WDFY4: variants seen among roughly 807,000 people sequenced by gnomAD.
The protein encoded by WDFY4 is WDFY family member 4.
Under a neutral mutation model 351.9 loss-of-function variants are expected in WDFY4, and 169 were observed. That is an observed-to-expected ratio of 0.48 (90% confidence interval 0.42 to 0.55). The LOEUF is 0.55. WDFY4 is among the 20% of genes least tolerant of loss of function. The pLI, the probability that WDFY4 is intolerant of heterozygous loss-of-function variation, is 0.00. For synonymous variants in WDFY4, 1,622 were observed against 1,574.6 expected, an observed-to-expected ratio of 1.03 and a Z score of -0.71; for missense variants, 3,803 against 3,935.6, an observed-to-expected ratio of 0.97 and a Z score of 0.90.
At position 48,743,082 on chromosome 10, in the gene WDFY4, C is replaced by T; in HGVS notation, c.1993C>T (p.Pro665Ser). The stretch of plus-strand genomic sequence containing the variant: ...CCTGGAAGGCTCCCTCCAGGAGCCC[C>T]CGCTGCAGGCATGGGGAGCAGTATC... ...SDLEGSLQEP[P>S]LQAWGAVSPR... is the part of the protein sequence containing the mutation. Residue 665 changes from proline to serine, a missense_variant, in exon 12 of 62, where the codon CCG (proline) becomes TCG (serine). Pro to Ser is a moderately conservative substitution (Grantham distance 74, BLOSUM62 -1). This residue lies in a region of WDFY4 where 3,054 missense variants were observed against 3,148.6 expected (regional missense o/e 0.97). Transcript: ENST00000325239. The T allele has an allele frequency of 6.4e-7, 1 of 1,551,696 alleles. No homozygotes were observed. The highest frequency in any genetic ancestry group is 8.7e-7 in the Non-Finnish European group (1 of 1,146,998).
At chr10:48,918,214 A>C (rs1035288518) in intron 47 of WDFY4, among the ~76,000 whole-genome samples, 8 of 152,252 alleles carry the variant, frequency 5.3e-5, no homozygotes, top group African/African-American at 1.7e-4. Flanking sequence ...AAAATGATAG[A>C]CTGAAACTCA....
rs769068432 is a variant in WDFY4, at chr10:48,806,098, G to A, written c.4738+3G>A. ...AGCCCTGGACCCTTCCCTGCCTGGT[G>A]AGAAGACCTTTGCCAGTTCGAAGGC... is the stretch of plus-strand genomic sequence containing the variant. On this transcript the variant is annotated splice_donor_region_variant and intron_variant, in intron 27 of 61. Transcript: ENST00000325239. 6.8e-5 allele frequency: 106 copies of A among 1,551,536 alleles called. No homozygotes were observed. Among genetic ancestry groups the A allele is most frequent in the Non-Finnish European group, 9.0e-5 (103 of 1,146,980 alleles).
chr10:48,888,810 C>A (rs746313344), intron 43 of WDFY4, among the ~76,000 whole-genome samples: 1 of 152,170 alleles, frequency 6.6e-6, no homozygotes, highest in Non-Finnish European at 1.5e-5. Flanking sequence ...ATGTCCTCAC[C>A]AAGAATAATG....
intron 20 of WDFY4, among the ~76,000 whole-genome samples, chr10:48,787,954 C>T (rs2066529385): frequency 1.6e-5 from 2 of 121,980 alleles, no homozygotes; most frequent in Admixed American, 8.8e-5. Context: ...TCTTCTTCTT[C>T]TTCTTCTTCT....
intron 18 of WDFY4, among the ~76,000 whole-genome samples, chr10:48,779,243 G>A (rs532345209): frequency 3.3e-5 from 5 of 152,198 alleles, no homozygotes; most frequent in East Asian, 3.9e-4. Flanking sequence ...ACATATAGGC[G>A]CTCCCACATA....
At chr10:48,761,702 A>G (rs1475512975) in intron 13 of WDFY4, among the ~76,000 whole-genome samples, 2 of 152,194 alleles carry the variant, frequency 1.3e-5, no homozygotes, top group African/African-American at 4.8e-5. Context: ...CAAGATAAAG[A>G]ACAAATACCT....
chr10:48,866,012 T>C (rs556454416), intron 39 of WDFY4, among the ~76,000 whole-genome samples: 3 of 152,276 alleles, frequency 2.0e-5, no homozygotes, highest in Non-Finnish European at 2.9e-5. Context: ...GCCAATTTTA[T>C]CGATCTTTCC....
At position 48,978,370 on chromosome 10, in the gene WDFY4, C is replaced by T. The variant is rs2292584; in HGVS notation, c.9353C>T (p.Pro3118Leu). Reference protein sequence around the residue: ...VPGRPAGEEPPAQPPSPRGHK... With the variant: ...VPGRPAGEEPLAQPPSPRGHK... ...GGACGGCCAGCAGGAGAGGAGCCCC[C>T]GGCTCAGCCTCCAAGCCCAAGAGGT... The change falls in exon 60 of 62, where the codon CCG (proline) becomes CTG (leucine). Residue 3118 changes from proline (P) to leucine (L), a missense_variant. Pro to Leu is a moderately conservative substitution (Grantham distance 98, BLOSUM62 -3). This residue lies in a region of WDFY4 where 3,054 missense variants were observed against 3,148.6 expected (regional missense o/e 0.97). Transcript: ENST00000325239. 757,607 of 1,550,288 alleles carry T rather than the reference C, an allele frequency of 0.49. 188,020 individuals carry two copies. Among genetic ancestry groups the T allele is most frequent in the Non-Finnish European group, 0.51 (590,355 of 1,146,400 alleles).
At chr10:48,926,928 G>A (rs78000739) in intron 47 of WDFY4, among the ~76,000 whole-genome samples, 1 of 152,184 alleles carries the variant, frequency 6.6e-6, no homozygotes, top group Non-Finnish European at 1.5e-5. Context: ...CAGTGTGAAC[G>A]CCTTGCCACA....
At chr10:48,800,864 C>A (rs908514207) in intron 24 of WDFY4, among the ~76,000 whole-genome samples, 11 of 151,770 alleles carry the variant, frequency 7.2e-5, no homozygotes, top group African/African-American at 2.4e-4. Flanking sequence ...TCCCAAGTAG[C>A]TGGGATTACA....
At chr10:48,888,498 C>G (rs2070560334) in intron 43 of WDFY4, among the ~76,000 whole-genome samples, 1 of 152,066 alleles carries the variant, frequency 6.6e-6, no homozygotes, top group African/African-American at 2.4e-5. Context: ...TCCTTTCAGT[C>G]TTGACCCTTT....
chr10:48,881,345 G>A (rs1376455936), intron 43 of WDFY4, among the ~76,000 whole-genome samples: 2 of 152,224 alleles, frequency 1.3e-5, no homozygotes, highest in Admixed American at 6.5e-5. Flanking sequence ...GTGTCTTGGG[G>A]AAATGCTGTG....
intron 47 of WDFY4, among the ~76,000 whole-genome samples, chr10:48,905,760 C>T (rs1837583474): frequency 6.6e-6 from 1 of 152,260 alleles, no homozygotes; most frequent in East Asian, 1.9e-4. Flanking sequence ...TGTGGCAAGA[C>T]TGTGCTAAAT....
At chr10:48,829,749 G>T (rs1355393647) in intron 37 of WDFY4, among the ~76,000 whole-genome samples, 1 of 152,160 alleles carries the variant, frequency 6.6e-6, no homozygotes, top group Non-Finnish European at 1.5e-5. Flanking sequence ...CTACTCGGGA[G>T]GCTGAGGCAG....
At chr10:48,796,760 A>T (rs1451538106) in intron 24 of WDFY4, among the ~76,000 whole-genome samples, 2 of 152,202 alleles carry the variant, frequency 1.3e-5, no homozygotes, top group Non-Finnish European at 2.9e-5. Context: ...AAGGATTTTT[A>T]AACTATAAAT....
chr10:48,860,832 T>C (rs1174295876), intron 39 of WDFY4, among the ~76,000 whole-genome samples: 1 of 152,230 alleles, frequency 6.6e-6, no homozygotes, highest in East Asian at 1.9e-4. Flanking sequence ...GGATTTCTTG[T>C]TATCCTTTTG....
intron 43 of WDFY4, among the ~76,000 whole-genome samples, chr10:48,881,278 C>G (rs1240853584): frequency 2.0e-4 from 30 of 152,206 alleles, no homozygotes; most frequent in Admixed American, 2.0e-3. Flanking sequence ...AGGGCCGTGT[C>G]AAGGGAAGGA....
At chr10:48,713,858 C>T (rs1254621538) in intron 2 of WDFY4, among the ~76,000 whole-genome samples, 1 of 152,116 alleles carries the variant, frequency 6.6e-6, no homozygotes, top group African/African-American at 2.4e-5. Flanking sequence ...TGCTAAGCAA[C>T]CTGTATATTA....
In WDFY4 at chr10:48,823,555, G is replaced by C. The variant is rs1350996160; in HGVS notation, c.5982+1018G>C. The C allele has an allele frequency of 6.5e-6, 7 of 1,074,598 alleles. No homozygotes were observed. In the East Asian group the frequency reaches 4.7e-4, roughly 72 times the overall value. The allele number at this position is 1,074,598 out of a possible 1,614,324, so 66.6% of individuals were successfully genotyped here. On this transcript the variant is annotated intron_variant, in intron 35 of 61. Coordinates refer to ENST00000325239, the MANE Select transcript of WDFY4 (RefSeq NM_001394531.1). ...TGATGAGCAGGTCCAAGCAAACCTG[G>C]AAAGACTTGAATTCAAAGGCTTCTT...
Sources: gnomAD v4.1 joint callset for allele counts (sites outside exome capture counted in the v4.1 genomes callset) on GRCh38, gnomAD v4.1.1 for gene constraint, gnomAD v4.1.1 regional missense constraint, MANE v1.5 for transcripts, NCBI Gene and HGNC (gene_info 2026-07-23, HGNC 2026-07-21) for gene names.